Variants in FAM118A observed in about 807,000 individuals in gnomAD.
FAM118A encodes SIR2 antiphage like 2.
A neutral mutation model predicts 38.2 loss-of-function variants in FAM118A; 25 were observed. The ratio of observed to expected loss-of-function variants is 0.65; its 90% CI spans 0.48 to 0.91. The LOEUF (loss-of-function observed/expected upper bound fraction) is 0.91. Among genes scored for constraint, FAM118A ranks in the 40% least tolerant of loss-of-function variants. The probability of loss-of-function intolerance (pLI) is 0.00; values close to 1 mark genes in which losing one functional copy is unlikely to be tolerated. For missense variants in FAM118A, 425 were observed against 463.3 expected, an observed-to-expected ratio of 0.92 and a Z score of 0.76; for synonymous variants, 178 against 184.1, an observed-to-expected ratio of 0.97 and a Z score of 0.27.
intron 1 of FAM118A, among the ~76,000 whole-genome samples, chr22:45,312,838 C>T (rs1164623525): frequency 6.6e-6 from 1 of 152,194 alleles, no homozygotes; most frequent in African/African-American, 2.4e-5. Flanking sequence ...TCTCCAGAAA[C>T]TTCGGCATGT....
At chr22:45,337,014 C>T (rs2086151067) in intron 8 of FAM118A, among the ~76,000 whole-genome samples, 7 of 152,228 alleles carry the variant, frequency 4.6e-5, no homozygotes, top group Admixed American at 3.9e-4. Flanking sequence ...CTATGAAGGG[C>T]GATCTCGCTT....
chr22:45,337,906 T>C (rs1306433977), intron 8 of FAM118A: 1 of 985,328 alleles, frequency 1.0e-6, no homozygotes, highest in Admixed American at 6.1e-5. Flanking sequence ...CGGACTCCAC[T>C]GTCTGAAGAC....
At chr22:45,324,465 C>T (rs989732458) in intron 3 of FAM118A, among the ~76,000 whole-genome samples, 11 of 152,212 alleles carry the variant, frequency 7.2e-5, no homozygotes, top group Non-Finnish European at 1.6e-4. Flanking sequence ...TACACCGCTT[C>T]TGTTTCATCT....
chr22:45,315,912 C>T (rs1217142501), intron 1 of FAM118A, among the ~76,000 whole-genome samples: 1 of 152,182 alleles, frequency 6.6e-6, no homozygotes, highest in African/African-American at 2.4e-5. Context: ...CCATTTGTGC[C>T]TTGTTTCCAG....
chr22:45,336,500 C>G, intron 8 of FAM118A, 89 bp downstream of exon 8: 1 of 993,028 alleles, frequency 1.0e-6, no homozygotes, highest in African/African-American at 1.6e-5. Context: ...TTTAATGCCC[C>G]GCGCCCTATG....
At chr22:45,337,805 G>T (rs1171063518) in intron 8 of FAM118A, 3 of 984,994 alleles carry the variant, frequency 3.0e-6, no homozygotes, top group Non-Finnish European at 3.6e-6. Flanking sequence ...CCAGTGTGGG[G>T]TCGCCTCCTG....
At chr22:45,335,051 A>T in intron 6 of FAM118A, 1 of 422,624 alleles carries the variant, frequency 2.4e-6, no homozygotes, top group Non-Finnish European at 4.2e-6. Context: ...TTGTACTCGA[A>T]TTCATGGAGT....
rs1239605315 is a variant in FAM118A at position 45,330,714 on chromosome 22, CAA to C, written c.635_636del (p.Gln212ArgfsTer28). The C allele has an allele frequency of 3.2e-6, 5 of 1,580,146 alleles. No homozygotes were observed. The highest frequency in any genetic ancestry group is 1.2e-5 in the South Asian group (1 of 86,170). ...LDPSGYKDVT[Q>X]DAEVMEVLQN... ...CCCATCGGGGTATAAAGACGTCACT[CAA>C]GACGCAGAAGTCATGGTACGGCCCG... On this transcript the variant is annotated frameshift_variant, in exon 5 of 9. Coordinates refer to ENST00000441876, the MANE Select transcript of FAM118A (RefSeq NM_017911.4). LOFTEE classifies it high-confidence loss of function.
intron 2 of FAM118A, 114 bp from the exon 3 acceptor site, chr22:45,323,061 G>GTA (rs1486627505): frequency 2.4e-4 from 258 of 1,073,062 alleles, no homozygotes; most frequent in Non-Finnish European, 2.9e-4. Context: ...GTGTGTGTGT[G>GTA]TGTGTGTGTG....
chr22:45,313,262 G>A lies in FAM118A; in HGVS notation c.-10+3079G>A, dbSNP rs542372015. ...CTCTGGTGACTATGTGGGACTAGAG[G>A]ACTAGAGGGGCTGGAACTGGAAGCA... On this transcript the variant is annotated intron_variant, in intron 1 of 8. Coordinates refer to ENST00000441876, the MANE Select transcript of FAM118A (RefSeq NM_017911.4). Among the ~76,000 whole-genome samples the A allele has an allele frequency of 3.3e-5, 5 of 151,826 alleles. No homozygotes were observed. In the South Asian group the frequency reaches 1.0e-3, roughly 32 times the overall value.
intron 1 of FAM118A, among the ~76,000 whole-genome samples, chr22:45,312,953 G>A (rs1371929323): frequency 1.3e-5 from 2 of 152,160 alleles, no homozygotes; most frequent in Non-Finnish European, 2.9e-5. Context: ...GGCCTTTGGT[G>A]ATCAACGTAA....
In FAM118A at chr22:45,332,601, A is replaced by G. The variant is rs35597676; in HGVS notation, c.828A>G (p.Ala276=). 9.7e-3 allele frequency: 15,661 copies of G among 1,614,236 alleles called. 103 individuals carry two copies. Among genetic ancestry groups the G allele is most frequent in the Middle Eastern group, 0.015 (90 of 6,062 alleles). Residue 276 remains alanine (A), a synonymous_variant, in exon 6 of 9, where the codon GCA becomes GCG. Transcript: ENST00000441876. ...ENEDHFFKHQ[A]DMLLHGIKVV... The stretch of plus-strand genomic sequence containing the variant: ...AAGACCATTTCTTTAAGCATCAGGC[A>G]GATATGCTTCTGCACGGAATCAAAG...
intron 8 of FAM118A, among the ~76,000 whole-genome samples, chr22:45,336,831 A>T (rs934751033): frequency 6.6e-6 from 1 of 152,230 alleles, no homozygotes; most frequent in Non-Finnish European, 1.5e-5. Context: ...GTCACTGTCC[A>T]GCCTCCTCCA....
chr22:45,333,099 C>CT (rs1316729376), intron 6 of FAM118A, among the ~76,000 whole-genome samples: 3 of 152,102 alleles, frequency 2.0e-5, no homozygotes, highest in Non-Finnish European at 2.9e-5. Context: ...TTCTCTCTGT[C>CT]TTTTTTTGAT....
At chr22:45,321,387 G>A (rs981873001) in intron 1 of FAM118A, among the ~76,000 whole-genome samples, 3 of 152,142 alleles carry the variant, frequency 2.0e-5, no homozygotes, top group South Asian at 2.1e-4. Context: ...GGGGGGAAAC[G>A]CGATTTTGGA....
At chr22:45,323,993 G>A (rs80255553) in intron 3 of FAM118A, among the ~76,000 whole-genome samples, 20 of 152,242 alleles carry the variant, frequency 1.3e-4, no homozygotes, top group Non-Finnish European at 2.2e-4. Flanking sequence ...GCTATGGCGT[G>A]TGGCCATAAA....
intron 4 of FAM118A, chr22:45,328,488 C>T (rs769022710): frequency 7.8e-5 from 65 of 832,594 alleles, no homozygotes; most frequent in Middle Eastern, 2.5e-4. Context: ...ATAAAGTAGC[C>T]AGGCATGGTG....
intron 8 of FAM118A, among the ~76,000 whole-genome samples, chr22:45,340,088 GT>G (rs961896555): frequency 2.0e-5 from 3 of 152,202 alleles, no homozygotes; most frequent in Non-Finnish European, 4.4e-5. Flanking sequence ...CTGTATGTTT[GT>G]TGAAATTGCC....
Position 45,341,554 on chromosome 22 carries a change from T to C in FAM118A, c.*1149T>C, listed in dbSNP as rs1455693418. ...TTGCAGAGAGTGAGGGAGGCAAAACTTGAAAAGGGCCTGCAACACTTTAAA... is the reference window on the plus strand; with the variant it reads ...TTGCAGAGAGTGAGGGAGGCAAAACCTGAAAAGGGCCTGCAACACTTTAAA... On this transcript the variant is annotated 3_prime_UTR_variant, in exon 9 of 9. Coordinates refer to ENST00000441876, the MANE Select transcript of FAM118A (RefSeq NM_017911.4). The C allele has an allele frequency of 1.3e-5, 2 of 152,252 alleles. No individual in the cohort carries two copies. 9.4% of individuals were successfully genotyped at this position (152,252 alleles called of 1,614,324 possible).
Sources: allele counts gnomAD v4.1 joint callset (sites outside exome capture counted in the v4.1 genomes callset), GRCh38; gene constraint gnomAD v4.1.1; transcripts MANE v1.5; gene names NCBI Gene and HGNC (gene_info 2026-07-23, HGNC 2026-07-21).